Variants in GNAQ observed in about 807,000 individuals in gnomAD.
GNAQ encodes guanine nucleotide-binding protein G(q) subunit alpha.
GNAQ carries 8 observed loss-of-function variants against 43.9 expected under a neutral mutation model. That is an observed-to-expected ratio of 0.18 (90% CI 0.11 to 0.33). The LOEUF is 0.33. Ranked by LOEUF, GNAQ falls within the 10% of genes least tolerant of loss-of-function variation. The pLI is 1.00. For synonymous variants in GNAQ, 155 were observed against 170.7 expected (o/e 0.91, Z 0.71); for missense variants, 158 against 450.8 (o/e 0.35, Z 5.88).
intron 1 of GNAQ, among the ~76,000 whole-genome samples, chr9:77,969,470 G>A (rs1357289491): frequency 6.6e-6 from 1 of 152,004 alleles, no homozygotes; most frequent in Non-Finnish European, 1.5e-5. Context: ...TTCCTGACAT[G>A]GAAGAATACA....
At chr9:78,003,812 T>TAAAAAAAAAAAAAAAA (rs557188160) in intron 1 of GNAQ, among the ~76,000 whole-genome samples, 2 of 91,600 alleles carry the variant, frequency 2.2e-5, no homozygotes. Context: ...CAAGACTGTC[T>TAAAAAAAAAAAAAAAA]AAAAAAAAAA....
intron 5 of GNAQ, among the ~76,000 whole-genome samples, chr9:77,731,498 C>T (rs1305052121): frequency 1.3e-5 from 2 of 152,200 alleles, no homozygotes; most frequent in East Asian, 1.9e-4. Flanking sequence ...CTGAAGCCTG[C>T]GCTTCTAGCT....
chr9:78,015,626 A>G (rs1200802692), intron 1 of GNAQ, among the ~76,000 whole-genome samples: 1 of 152,222 alleles, frequency 6.6e-6, no homozygotes, highest in Admixed American at 6.5e-5. Context: ...TTGACTATAT[A>G]TATTAGACTA....
intron 1 of GNAQ, among the ~76,000 whole-genome samples, chr9:77,967,127 A>T (rs1823177606): frequency 6.6e-6 from 1 of 152,126 alleles, no homozygotes; most frequent in Admixed American, 6.5e-5. Flanking sequence ...GTGTAGGTGA[A>T]CTATCTTCTT....
chr9:77,892,145 T>C (rs981594670), intron 2 of GNAQ, among the ~76,000 whole-genome samples: 1 of 152,192 alleles, frequency 6.6e-6, no homozygotes, highest in Admixed American at 6.5e-5. Flanking sequence ...TAGGGATTCT[T>C]AAATCTAGCC....
At chr9:77,940,775 G>A (rs1174027149) in intron 1 of GNAQ, among the ~76,000 whole-genome samples, 2 of 151,978 alleles carry the variant, frequency 1.3e-5, no homozygotes, top group African/African-American at 4.8e-5. Context: ...AGACCATCCT[G>A]GCTAACACGG....
intron 1 of GNAQ, among the ~76,000 whole-genome samples, chr9:78,017,471 T>C (rs534044547): frequency 4.2e-4 from 64 of 152,358 alleles, no homozygotes; most frequent in Non-Finnish European, 7.6e-4. Flanking sequence ...GAACAGCTTA[T>C]GCTGTGTCAT....
At chr9:77,962,041 A>C (rs1403608155) in intron 1 of GNAQ, among the ~76,000 whole-genome samples, 1 of 152,202 alleles carries the variant, frequency 6.6e-6, no homozygotes, top group African/African-American at 2.4e-5. Flanking sequence ...AAAATGAAAA[A>C]TACAACAGAT....
chr9:77,767,681 A>G (rs994449630), intron 5 of GNAQ, among the ~76,000 whole-genome samples: 4 of 152,238 alleles, frequency 2.6e-5, no homozygotes, highest in Admixed American at 2.6e-4. Flanking sequence ...CTTGTAAAAA[A>G]ACTCTTAAAA....
At chr9:77,971,351 C>T (rs995080067) in intron 1 of GNAQ, among the ~76,000 whole-genome samples, 32 of 152,122 alleles carry the variant, frequency 2.1e-4, no homozygotes, top group African/African-American at 7.7e-4. Context: ...GGCCAATATC[C>T]CTGATGAACA....
chr9:77,894,425 A>AAT (rs1248930536), intron 2 of GNAQ, among the ~76,000 whole-genome samples: 3 of 15,062 alleles, frequency 2.0e-4, no homozygotes, highest in Admixed American at 1.8e-3. Flanking sequence ...TAATAGAAAA[A>AAT]ATATATATAT....
At chr9:77,995,686 T>G (rs1213380710) in intron 1 of GNAQ, among the ~76,000 whole-genome samples, 1 of 152,018 alleles carries the variant, frequency 6.6e-6, no homozygotes, top group Non-Finnish European at 1.5e-5. Flanking sequence ...CTCACTATGT[T>G]GCCTAGGCTG....
chr9:78,027,715 C>A (rs940332554), intron 1 of GNAQ, among the ~76,000 whole-genome samples: 14 of 146,940 alleles, frequency 9.5e-5, no homozygotes. Context: ...CGCGCCATTG[C>A]ACTCCAGCTT....
At chr9:77,839,132 C>T (rs1370134499) in intron 2 of GNAQ, among the ~76,000 whole-genome samples, 1 of 152,154 alleles carries the variant, frequency 6.6e-6, no homozygotes, top group East Asian at 1.9e-4. Context: ...TCTCTTATTC[C>T]CCCAGGCCTC....
At chr9:77,839,211 T>C (rs935238037) in intron 2 of GNAQ, among the ~76,000 whole-genome samples, 4 of 152,208 alleles carry the variant, frequency 2.6e-5, no homozygotes, top group African/African-American at 4.8e-5. Context: ...TACTGAATCA[T>C]TGGTTAATCA....
chr9:77,978,227 G>C (rs1490684780), intron 1 of GNAQ, among the ~76,000 whole-genome samples: 2 of 152,112 alleles, frequency 1.3e-5, no homozygotes, highest in Non-Finnish European at 2.9e-5. Flanking sequence ...GTCAACTTCA[G>C]ACAGAATCTA....
chr9:77,901,958 C>T (rs966156001), intron 2 of GNAQ, among the ~76,000 whole-genome samples: 13 of 152,280 alleles, frequency 8.5e-5, no homozygotes, highest in African/African-American at 3.1e-4. Flanking sequence ...GGACTAATCC[C>T]CTTCATGAGG....
intron 2 of GNAQ, among the ~76,000 whole-genome samples, chr9:77,824,407 C>A (rs967751569): frequency 6.6e-6 from 1 of 152,126 alleles, no homozygotes; most frequent in Admixed American, 6.6e-5. Flanking sequence ...CAAATATTTT[C>A]ATAGAACTAT....
At chr9:77,843,635 G>C (rs1325890308) in intron 2 of GNAQ, among the ~76,000 whole-genome samples, 1 of 152,170 alleles carries the variant, frequency 6.6e-6, no homozygotes, top group Non-Finnish European at 1.5e-5. Context: ...AGAGGAAACT[G>C]GTGTCAGGTG....
Sources: allele counts gnomAD v4.1 joint callset (sites outside exome capture counted in the v4.1 genomes callset), GRCh38; gene constraint gnomAD v4.1.1; transcripts MANE v1.5; gene names NCBI Gene and HGNC (gene_info 2026-07-23, HGNC 2026-07-21).